Variants in ABCA3 observed in about 807,000 individuals in gnomAD.
The protein encoded by ABCA3 is ATP binding cassette subfamily A member 3.
ABCA3 carries 88 observed loss-of-function variants against 172.8 expected under a neutral mutation model. That is an observed-to-expected ratio of 0.51 (90% CI 0.43 to 0.61). The LOEUF (loss-of-function observed/expected upper bound fraction) is 0.61. Ranked by LOEUF, ABCA3 falls within the 20% of genes least tolerant of loss-of-function variation. The probability of loss-of-function intolerance (pLI) is 0.00; values close to 1 mark genes in which losing one functional copy is unlikely to be tolerated. For synonymous variants in ABCA3, 1,066 were observed against 983.8 expected, an observed-to-expected ratio of 1.08 and a Z score of -1.56; for missense variants, 2,164 against 2,301.0, an observed-to-expected ratio of 0.94 and a Z score of 1.22.
At chr16:2,296,775 C>G (rs1229054202) in intron 17 of ABCA3, among the ~76,000 whole-genome samples, 4 of 152,244 alleles carry the variant, frequency 2.6e-5, no homozygotes, top group Non-Finnish European at 5.9e-5. Flanking sequence ...TGGGTTGCCA[C>G]TCAGTCACTA....
In ABCA3 at chr16:2,309,226, G is replaced by A. The variant is rs45591833; in HGVS notation, c.1112-603C>T. Among the ~76,000 whole-genome samples, 466 of 152,292 alleles carry A rather than the reference G, an allele frequency of 3.1e-3. 3 individuals are homozygous for A. Among genetic ancestry groups the A allele is most frequent in the African/African-American group, 0.011 (440 of 41,558 alleles). ...CTTCCAAAGTGCTGGGATTACAGGC[G>A]TGAGCCACCGTGCCCAGCCTGCCTA... On this transcript the variant is annotated intron_variant, in intron 10 of 32. Coordinates refer to ENST00000301732, the MANE Select transcript of ABCA3 (RefSeq NM_001089.3).
intron 1 of ABCA3, chr16:2,332,639 G>C: frequency 6.2e-7 from 1 of 1,601,928 alleles, no homozygotes; most frequent in South Asian, 1.1e-5. Context: ...ATCTTCTCCA[G>C]GGGCCGCCCG....
Position 2,299,963 on chromosome 16 carries a change from C to G in ABCA3, c.1611+42G>C, listed in dbSNP as rs749752172. On this transcript the variant is annotated intron_variant, in intron 13 of 32. Coordinates refer to ENST00000301732, the MANE Select transcript of ABCA3 (RefSeq NM_001089.3). Reference sequence around the variant, plus strand: ...CCGTGCTGGTAAGTCTTCCCATGGTCCTGGCAGCCCCGGCCCTCCCTGTCC... The same window carrying G: ...CCGTGCTGGTAAGTCTTCCCATGGTGCTGGCAGCCCCGGCCCTCCCTGTCC... The G allele has an allele frequency of 6.6e-5, 106 of 1,609,034 alleles. No homozygotes were observed. The East Asian group carries it at 2.2e-3, about 34-fold the overall frequency.
Position 2,299,465 on chromosome 16 carries a change from T to C in ABCA3, c.1679A>G (p.Gln560Arg), listed in dbSNP as rs2093685513. The change falls in exon 14 of 33, where the codon CAG becomes CGG. Residue 560 changes from glutamine to arginine, a missense_variant. Gln to Arg is a conservative substitution (Grantham distance 43, BLOSUM62 1). This residue lies in a region of ABCA3 where 1,343 missense variants were observed against 1,369.6 expected (regional missense o/e 0.98). Transcript: ENST00000301732. ...RDLNLNLYEG[Q>R]ITVLLGHNGA... Reference sequence around the variant, plus strand: ...GTTGTGGCCCAGCAGGACGGTGATCTGTCCCTCGTACAGGTTGAGGTTCAG... The same window carrying C: ...GTTGTGGCCCAGCAGGACGGTGATCCGTCCCTCGTACAGGTTGAGGTTCAG... The C allele has an allele frequency of 6.2e-7, 1 of 1,613,940 alleles. No individual in the cohort carries two copies. The highest frequency in any genetic ancestry group is 2.2e-5 in the East Asian group (1 of 44,858).
At position 2,279,634 on chromosome 16, in the gene ABCA3, G is replaced by A. The variant is rs1367764761; in HGVS notation, c.4360-504C>T. 2.6e-5 allele frequency among the ~76,000 whole-genome samples: 4 copies of A among 152,186 alleles called. No individual in the cohort carries two copies. The highest frequency in any genetic ancestry group is 9.7e-5 in the African/African-American group (4 of 41,446). ...AGACGTGCCTGCTGCCATCTGCTTAGCTACCTTCAGCAGCTGGTCGGGGGC... is the reference window on the plus strand; with the variant it reads ...AGACGTGCCTGCTGCCATCTGCTTAACTACCTTCAGCAGCTGGTCGGGGGC... On this transcript the variant is annotated intron_variant, in intron 28 of 32. Transcript: ENST00000301732. This position sits in a 1 kb window ranked among gnomAD's most constrained non-coding sequence, Gnocchi z 4.4.
chr16:2,337,748 C>G (rs2093754148), intron 1 of ABCA3, among the ~76,000 whole-genome samples: 1 of 152,178 alleles, frequency 6.6e-6, no homozygotes, highest in South Asian at 2.1e-4. Flanking sequence ...GCACAACCCA[C>G]AGCCATTGGC....
At chr16:2,326,615 C>T in intron 3 of ABCA3, 123 bp from the exon 4 acceptor site, 1 of 1,033,844 alleles carries the variant, frequency 9.7e-7, no homozygotes. Flanking sequence ...GCCACTTTAA[C>T]TCCAAACACC....
chr16:2,308,412 G>T, intron 11 of ABCA3, 38 bp downstream of exon 11: 7 of 1,613,304 alleles, frequency 4.3e-6, no homozygotes, highest in Non-Finnish European at 5.9e-6. Context: ...GAAGGTTACT[G>T]ATTCGGAAAG....
At chr16:2,280,185 C>A (rs566184729) in intron 28 of ABCA3, among the ~76,000 whole-genome samples, 1 of 152,370 alleles carries the variant, frequency 6.6e-6, no homozygotes, top group South Asian at 2.1e-4. Context: ...TCCTCCATTG[C>A]TAGATCACAT....
At position 2,285,002 on chromosome 16, in the gene ABCA3, C is replaced by A. The variant is rs761533713; in HGVS notation, c.3484-4G>T. On this transcript the variant is annotated splice_region_variant and splice_polypyrimidine_tract_variant and intron_variant, in intron 23 of 32. Transcript: ENST00000301732. The surrounding 1 kb of genome is among the most constrained non-coding windows in gnomAD (Gnocchi z 4.7). Reference sequence around the variant, plus strand: ...CGTCGAAGGCCTTAAACACCACCTGCGGCGGCACAGGGAGGCGCTGCTGTG... The same window carrying A: ...CGTCGAAGGCCTTAAACACCACCTGAGGCGGCACAGGGAGGCGCTGCTGTG... The A allele has an allele frequency of 2.5e-5, 41 of 1,611,856 alleles. No individual in the cohort carries two copies. The South Asian group carries it at 4.3e-4, about 17-fold the overall frequency.
intron 11 of ABCA3, among the ~76,000 whole-genome samples, 172 bp downstream of exon 11, chr16:2,308,278 G>A (rs1019203998): frequency 6.6e-6 from 1 of 152,176 alleles, no homozygotes; most frequent in Non-Finnish European, 1.5e-5. Flanking sequence ...CCGGGGCCGT[G>A]TCCAGCTATC....
At chr16:2,299,134 G>C (rs1254135878) in intron 14 of ABCA3, among the ~76,000 whole-genome samples, 1 of 144,386 alleles carries the variant, frequency 6.9e-6, no homozygotes, top group African/African-American at 2.5e-5. Flanking sequence ...GAGGAGGGCA[G>C]GGGTCCCTGG....
chr16:2,289,674 G>GGGA, intron 19 of ABCA3, 54 bp from the exon 20 acceptor site: 1 of 1,534,634 alleles, frequency 6.5e-7, no homozygotes. Flanking sequence ...GGTGGGTGGA[G>GGGA]GGAGGGACTA....
At chr16:2,339,429 GA>G (rs1440090287) in intron 1 of ABCA3, 3 of 152,224 alleles carry the variant, frequency 2.0e-5, no homozygotes, top group African/African-American at 4.8e-5. Context: ...AGTTAAAAAT[GA>G]AAGTGTGGGG....
At chr16:2,335,302 A>ATTTG (rs544676061) in intron 1 of ABCA3, among the ~76,000 whole-genome samples, 2 of 151,908 alleles carry the variant, frequency 1.3e-5, no homozygotes, top group African/African-American at 4.8e-5. Context: ...GGCTTCACTG[A>ATTTG]TTTGTTTGTT....
At chr16:2,288,736 G>A (rs991867796) in intron 20 of ABCA3, among the ~76,000 whole-genome samples, 4 of 152,112 alleles carry the variant, frequency 2.6e-5, no homozygotes, top group African/African-American at 9.7e-5. Flanking sequence ...GTAGAGATAG[G>A]GTTTTGTCAT....
Position 2,319,716 on chromosome 16 carries a change from C to A in ABCA3, c.738G>T (p.Pro246=). The A allele has an allele frequency of 6.2e-7, 1 of 1,613,646 alleles. No homozygotes were observed. Among genetic ancestry groups the A allele is most frequent in the Non-Finnish European group, 8.5e-7 (1 of 1,179,972 alleles). Residue 246 remains proline (P), a synonymous_variant, in exon 8 of 33, where the codon CCG becomes CCT. Transcript: ENST00000301732. ...QRLTVTIKRF[P]YPPFIADPFL... is the part of the protein sequence containing the mutation. ...AGGGGTCTGCGATGAACGGCGGGTA[C>A]GGGAACCTCTTGATGGTCACCGTCA...
At chr16:2,326,574 T>C in intron 3 of ABCA3, 82 bp from the exon 4 acceptor site, 8 of 1,387,006 alleles carry the variant, frequency 5.8e-6, no homozygotes, top group East Asian at 2.5e-5. Context: ...CCATGGACCC[T>C]TTTTCCTCCA....
chr16:2,288,344 A>T lies in ABCA3; in HGVS notation c.2701-15T>A. 10 of 1,542,100 alleles carry T rather than the reference A, an allele frequency of 6.5e-6. No homozygotes were observed. The highest frequency in any genetic ancestry group is 8.7e-6 in the Non-Finnish European group (10 of 1,148,506). On this transcript the variant is annotated splice_polypyrimidine_tract_variant and intron_variant, in intron 20 of 32. Transcript: ENST00000301732. ...TGCAGGGCGAGCTGCGGCAGAGGGG[A>T]CGCAGGTGACACCGGCACCGCTTGG...
Sources: gnomAD v4.1 joint callset for allele counts (sites outside exome capture counted in the v4.1 genomes callset) on GRCh38, gnomAD v4.1.1 for gene constraint, gnomAD v4.1.1 regional missense constraint, Gnocchi (gnomAD v3.1) non-coding constraint, MANE v1.5 for transcripts, NCBI Gene and HGNC (gene_info 2026-07-23, HGNC 2026-07-21) for gene names.